LRRTM4: variants seen among roughly 807,000 people sequenced by gnomAD.
LRRTM4 encodes the protein leucine-rich repeat transmembrane neuronal protein 4.
LRRTM4 carries 25 observed loss-of-function variants against 47.6 expected under a neutral mutation model. The observed-to-expected ratio is 0.53, with a 90% CI of 0.38 to 0.73. LRRTM4 has a LOEUF of 0.73. Ranked by LOEUF, LRRTM4 falls within the 30% of genes least tolerant of loss-of-function variation. LRRTM4 has a pLI of 0.00. For synonymous variants in LRRTM4, 311 were observed against 269.5 expected, an observed-to-expected ratio of 1.15 and a Z score of -1.51; for missense variants, 638 against 713.4, an observed-to-expected ratio of 0.89 and a Z score of 1.20.
intron 3 of LRRTM4, among the ~76,000 whole-genome samples, chr2:77,056,859 ACTT>A (rs748938451): frequency 1.3e-5 from 2 of 152,160 alleles, no homozygotes; most frequent in Non-Finnish European, 2.9e-5. Flanking sequence ...GCAAGGTAAA[ACTT>A]CTGCAAAATT....
At position 76,874,218 on chromosome 2, in the gene LRRTM4, T is replaced by C. The variant is rs534164870; in HGVS notation, c.1552-125302A>G. On this transcript the variant is annotated intron_variant, in intron 3 of 3. Transcript: ENST00000409884. ...CCTGTTCATCCTTCATGTCTCATCT[T>C]AGAAAACAGTCAAGGAAGTCTGACT... Among the ~76,000 whole-genome samples, 13 of 152,104 alleles carry C rather than the reference T, an allele frequency of 8.5e-5. No homozygotes were observed. The South Asian group carries it at 2.5e-3, about 29-fold the overall frequency.
At chr2:77,480,785 AGTGTGTGTGT>A (rs150441689) in intron 3 of LRRTM4, among the ~76,000 whole-genome samples, 3 of 102,292 alleles carry the variant, frequency 2.9e-5, no homozygotes, top group East Asian at 4.0e-4. Context: ...CTGTTTTAGG[AGTGTGTGTGT>A]GTGTGTGTGT....
chr2:77,141,094 C>T (rs62160470), intron 3 of LRRTM4, among the ~76,000 whole-genome samples: 53,340 of 151,894 alleles, frequency 0.35, 10,360 homozygotes, highest in African/African-American at 0.52. Flanking sequence ...ACTAGAAATA[C>T]CATTTGACCC....
At chr2:77,458,508 T>G (rs1573443217) in intron 3 of LRRTM4, among the ~76,000 whole-genome samples, 1 of 152,084 alleles carries the variant, frequency 6.6e-6, no homozygotes, top group African/African-American at 2.4e-5. Context: ...GGCAGGGTTG[T>G]CCCGTGGAAT....
intron 3 of LRRTM4, among the ~76,000 whole-genome samples, chr2:76,903,554 AAAG>A (rs1295763327): frequency 6.6e-6 from 1 of 152,118 alleles, no homozygotes; most frequent in African/African-American, 2.4e-5. Flanking sequence ...ACAAAACAAA[AAAG>A]AAGAACAAAC....
intron 3 of LRRTM4, among the ~76,000 whole-genome samples, chr2:76,927,213 G>A (rs1217949876): frequency 6.6e-6 from 1 of 151,942 alleles, no homozygotes; most frequent in Non-Finnish European, 1.5e-5. Context: ...TACCATCTTA[G>A]GAGTTACCAT....
chr2:77,484,504 G>GT (rs1391202925), intron 3 of LRRTM4, among the ~76,000 whole-genome samples: 1 of 152,152 alleles, frequency 6.6e-6, no homozygotes, highest in African/African-American at 2.4e-5. Flanking sequence ...TTTGTCTGTG[G>GT]TATGGGGACT....
At chr2:76,754,793 T>C (rs1039405109) in intron 3 of LRRTM4, among the ~76,000 whole-genome samples, 3 of 152,144 alleles carry the variant, frequency 2.0e-5, no homozygotes, top group African/African-American at 7.2e-5. Flanking sequence ...GAGCCTAACC[T>C]ATCTAGCCAT....
At chr2:76,941,781 A>C (rs879158122) in intron 3 of LRRTM4, among the ~76,000 whole-genome samples, 9 of 152,264 alleles carry the variant, frequency 5.9e-5, no homozygotes, top group Admixed American at 2.0e-4. Flanking sequence ...ACACGTGTGC[A>C]TGTGTCTTTA....
At chr2:77,457,608 T>G (rs528488074) in intron 3 of LRRTM4, among the ~76,000 whole-genome samples, 8 of 152,236 alleles carry the variant, frequency 5.3e-5, no homozygotes, top group African/African-American at 1.9e-4. Context: ...AAAAAAAATC[T>G]AATGCTGTAT....
chr2:77,137,077 C>CAA lies in LRRTM4; in HGVS notation c.1551+381240_1551+381241insTT, dbSNP rs1464116116. Among the ~76,000 whole-genome samples the CAA allele has an allele frequency of 3.5e-3, 538 of 151,916 alleles. 3 individuals are homozygous for CAA. Among genetic ancestry groups the CAA allele is most frequent in the Middle Eastern group, 0.014 (4 of 294 alleles). On this transcript the variant is annotated intron_variant, in intron 3 of 3. Transcript: ENST00000409884. The stretch of plus-strand genomic sequence containing the variant: ...GCAAGATATTATCCAGGAGAACTTC[C>CAA]CCAACCTACCAAGGCAGGTCAACAT...
chr2:76,770,758 C>T (rs772302511), intron 3 of LRRTM4, among the ~76,000 whole-genome samples: 1 of 152,090 alleles, frequency 6.6e-6, no homozygotes, highest in Admixed American at 6.6e-5. Context: ...GGTCTTCTAC[C>T]CCCCAGTAGT....
chr2:77,202,487 C>T (rs2103902515), intron 3 of LRRTM4, among the ~76,000 whole-genome samples: 1 of 152,158 alleles, frequency 6.6e-6, no homozygotes, highest in South Asian at 2.1e-4. Flanking sequence ...CCACGGCTTT[C>T]AGTTACTTCT....
chr2:76,874,351 G>C (rs1300567578), intron 3 of LRRTM4, among the ~76,000 whole-genome samples: 2 of 151,772 alleles, frequency 1.3e-5, no homozygotes, highest in African/African-American at 2.4e-5. Flanking sequence ...TCTTTTCTTT[G>C]TTTATTCTAT....
At chr2:77,085,715 A>G (rs1680688372) in intron 3 of LRRTM4, among the ~76,000 whole-genome samples, 2 of 152,172 alleles carry the variant, frequency 1.3e-5, no homozygotes, top group African/African-American at 4.8e-5. Context: ...CTCTTTCAAA[A>G]GTGGTGTCAT....
chr2:77,086,339 T>C (rs968871766), intron 3 of LRRTM4, among the ~76,000 whole-genome samples: 12 of 152,172 alleles, frequency 7.9e-5, no homozygotes, highest in Non-Finnish European at 1.8e-4. Flanking sequence ...GCCTCCAAAG[T>C]TTATGCTTTT....
intron 3 of LRRTM4, among the ~76,000 whole-genome samples, chr2:77,467,185 T>A (rs749797285): frequency 7.2e-5 from 11 of 152,154 alleles, no homozygotes; most frequent in Non-Finnish European, 1.6e-4. Context: ...TTAAAAGATG[T>A]GTCTCATCCA....
chr2:77,254,753 T>C (rs542103694), intron 3 of LRRTM4, among the ~76,000 whole-genome samples: 57 of 151,856 alleles, frequency 3.8e-4, no homozygotes, highest in African/African-American at 1.3e-3. Flanking sequence ...AAGTCATGCA[T>C]AGAGAAAATA....
At chr2:77,039,217 A>G (rs571771828) in intron 3 of LRRTM4, among the ~76,000 whole-genome samples, 2 of 151,518 alleles carry the variant, frequency 1.3e-5, no homozygotes, top group Admixed American at 6.6e-5. Context: ...TAAGGATGAA[A>G]AAGTAGGGGC....
Sources: allele counts gnomAD v4.1 joint callset (sites outside exome capture counted in the v4.1 genomes callset), GRCh38; gene constraint gnomAD v4.1.1; transcripts MANE v1.5; gene names NCBI Gene and HGNC (gene_info 2026-07-23, HGNC 2026-07-21).